The following CSMD2 variants were observed in gnomAD, a reference collection of about 807,000 sequenced individuals.
CSMD2 encodes the protein CUB and sushi domain-containing protein 2.
CSMD2 carries 130 observed loss-of-function variants against 398.5 expected under a neutral mutation model. The ratio of observed to expected loss-of-function variants is 0.33; its 90% CI spans 0.28 to 0.38. The LOEUF is 0.38. Among genes scored for constraint, CSMD2 ranks in the 10% least tolerant of loss-of-function variants. The pLI is 1.00. For missense variants in CSMD2, 3,829 were observed against 4,764.9 expected, an observed-to-expected ratio of 0.80 and a Z score of 5.78; for synonymous variants, 1,828 against 1,908.5, an observed-to-expected ratio of 0.96 and a Z score of 1.10.
intron 25 of CSMD2, among the ~76,000 whole-genome samples, chr1:33,677,360 A>G (rs562536115): frequency 3.3e-5 from 5 of 152,386 alleles, no homozygotes; most frequent in Non-Finnish European, 7.3e-5. Flanking sequence ...ACATGAAAAA[A>G]TGCTCATCAT....
chr1:33,934,573 C>T (rs1050905010), intron 4 of CSMD2, among the ~76,000 whole-genome samples: 1 of 152,124 alleles, frequency 6.6e-6, no homozygotes, highest in Non-Finnish European at 1.5e-5. Flanking sequence ...AATTTATGTA[C>T]ATATTTGTAA....
intron 5 of CSMD2, among the ~76,000 whole-genome samples, chr1:33,910,274 A>C (rs1643376429): frequency 6.6e-6 from 1 of 152,072 alleles, no homozygotes; most frequent in Admixed American, 6.5e-5. Context: ...TCCTGTGTTC[A>C]TTTTGGGCCT....
chr1:33,763,714 G>T (rs1240419714), intron 13 of CSMD2, among the ~76,000 whole-genome samples: 1 of 152,174 alleles, frequency 6.6e-6, no homozygotes, highest in Non-Finnish European at 1.5e-5. Flanking sequence ...CACGGGCTTG[G>T]TTCTTACAGC....
At chr1:33,941,765 C>G (rs1446117448) in intron 3 of CSMD2, among the ~76,000 whole-genome samples, 1 of 152,050 alleles carries the variant, frequency 6.6e-6, no homozygotes, top group East Asian at 1.9e-4. Context: ...ATATTTCCAT[C>G]CCCAAAGAGT....
At chr1:33,928,729 T>C (rs1249688810) in intron 4 of CSMD2, among the ~76,000 whole-genome samples, 1 of 152,188 alleles carries the variant, frequency 6.6e-6, no homozygotes, top group African/African-American at 2.4e-5. Flanking sequence ...AGAGTTACCC[T>C]ATCGTAAAGA....
chr1:34,160,373 T>G (rs115727717), intron 1 of CSMD2, among the ~76,000 whole-genome samples: 6 of 152,330 alleles, frequency 3.9e-5, no homozygotes, highest in African/African-American at 1.4e-4. Context: ...CGCCTTTCCT[T>G]GGCTCAGGGT....
At chr1:33,875,995 G>A (rs888725581) in intron 5 of CSMD2, among the ~76,000 whole-genome samples, 3 of 152,206 alleles carry the variant, frequency 2.0e-5, no homozygotes, top group Non-Finnish European at 4.4e-5. Flanking sequence ...AGGTGTAGGT[G>A]CCAGGCCAGC....
At chr1:34,030,491 A>G (rs1410065397) in intron 3 of CSMD2, among the ~76,000 whole-genome samples, 5 of 152,158 alleles carry the variant, frequency 3.3e-5, no homozygotes, top group African/African-American at 1.2e-4. Flanking sequence ...TGAGTTCTCT[A>G]ATGCCTGCTG....
intron 2 of CSMD2, among the ~76,000 whole-genome samples, chr1:34,059,298 C>G (rs527931173): frequency 3.3e-5 from 5 of 152,090 alleles, no homozygotes; most frequent in Non-Finnish European, 5.9e-5. Context: ...ACCCATGGGC[C>G]CTTCTTCTGT....
intron 3 of CSMD2, among the ~76,000 whole-genome samples, chr1:33,988,872 C>T (rs1646449051): frequency 6.6e-6 from 1 of 151,646 alleles, no homozygotes; most frequent in African/African-American, 2.4e-5. Context: ...CCTCAACTCT[C>T]ACTTCACCCC....
chr1:34,092,805 C>T (rs542981471), intron 1 of CSMD2, among the ~76,000 whole-genome samples: 3,806 of 152,306 alleles, frequency 0.025, 41 homozygotes, highest in Non-Finnish European at 0.038. Flanking sequence ...TGAGATCAAA[C>T]TGCAAGGCAG....
At chr1:33,772,519 C>G in intron 13 of CSMD2, 50 bp downstream of exon 13, 1 of 1,558,678 alleles carries the variant, frequency 6.4e-7, no homozygotes. Flanking sequence ...GGAAACGGGC[C>G]CCTGCCTCTC....
intron 3 of CSMD2, among the ~76,000 whole-genome samples, chr1:33,985,948 C>G (rs1351607873): frequency 6.6e-6 from 1 of 152,150 alleles, no homozygotes; most frequent in Non-Finnish European, 1.5e-5. Context: ...CTGCTCTGAG[C>G]TGTTTCCCTT....
intron 1 of CSMD2, among the ~76,000 whole-genome samples, chr1:34,136,747 C>T (rs924931906): frequency 6.6e-6 from 1 of 152,174 alleles, no homozygotes; most frequent in African/African-American, 2.4e-5. Flanking sequence ...TCCGATCCAT[C>T]TATTATTCAA....
chr1:34,031,920 C>CA (rs796188824), intron 3 of CSMD2, among the ~76,000 whole-genome samples: 88 of 152,134 alleles, frequency 5.8e-4, no homozygotes, highest in African/African-American at 2.0e-3. Context: ...CCAAGAGTGG[C>CA]ATAATTACCT....
At chr1:33,981,664 C>T (rs1646170977) in intron 3 of CSMD2, among the ~76,000 whole-genome samples, 1 of 152,210 alleles carries the variant, frequency 6.6e-6, no homozygotes. Context: ...AGCTTTCAGT[C>T]TCATGAAGGA....
chr1:33,832,324 A>G (rs1004345432), intron 6 of CSMD2, among the ~76,000 whole-genome samples: 4 of 151,908 alleles, frequency 2.6e-5, no homozygotes, highest in African/African-American at 9.7e-5. Flanking sequence ...CTCAGAACAC[A>G]GTGCAATCAA....
intron 4 of CSMD2, 94 bp downstream of exon 4, chr1:33,935,666 T>C: frequency 7.6e-7 from 1 of 1,316,304 alleles, no homozygotes; most frequent in South Asian, 1.5e-5. Flanking sequence ...TGCTGGGGTG[T>C]AGCTTTGCCC....
intron 12 of CSMD2, among the ~76,000 whole-genome samples, chr1:33,776,414 G>T (rs890525009): frequency 6.6e-6 from 1 of 152,154 alleles, no homozygotes; most frequent in South Asian, 2.1e-4. Context: ...GATGACACAG[G>T]CTCTATTTTC....
Sources: gnomAD v4.1 joint callset for allele counts (sites outside exome capture counted in the v4.1 genomes callset) on GRCh38, gnomAD v4.1.1 for gene constraint, MANE v1.5 for transcripts, NCBI Gene and HGNC (gene_info 2026-07-23, HGNC 2026-07-21) for gene names.